AKAP6: variants seen among roughly 807,000 people sequenced by gnomAD.
AKAP6 encodes A-kinase anchoring protein 6.
A neutral mutation model predicts 188.5 loss-of-function variants in AKAP6; 58 were observed. The ratio of observed to expected loss-of-function variants is 0.31; its 90% CI spans 0.25 to 0.38. AKAP6 has a LOEUF of 0.38. AKAP6 is among the 10% of genes least tolerant of loss of function. The probability of loss-of-function intolerance (pLI) is 1.00; values close to 1 mark genes in which losing one functional copy is unlikely to be tolerated. For synonymous variants in AKAP6, 989 were observed against 998.6 expected, an observed-to-expected ratio of 0.99 and a Z score of 0.18; for missense variants, 2,710 against 2,740.0, an observed-to-expected ratio of 0.99 and a Z score of 0.24.
chr14:32,632,963 G>A (rs1024155979), intron 7 of AKAP6, among the ~76,000 whole-genome samples: 46 of 151,890 alleles, frequency 3.0e-4, no homozygotes, highest in Admixed American at 5.3e-4. Flanking sequence ...ATAATTTATC[G>A]GATCAGCAGC....
intron 12 of AKAP6, among the ~76,000 whole-genome samples, chr14:32,785,723 C>CG (rs1555362301): frequency 2.0e-5 from 3 of 151,826 alleles, no homozygotes; most frequent in Non-Finnish European, 4.4e-5. Context: ...TTTGAAAGAT[C>CG]TTGTACAGGA....
intron 5 of AKAP6, among the ~76,000 whole-genome samples, chr14:32,599,039 G>A (rs888747537): frequency 6.6e-6 from 1 of 151,944 alleles, no homozygotes; most frequent in African/African-American, 2.4e-5. Flanking sequence ...AATTTTTTAT[G>A]GTTTCATAAA....
intron 1 of AKAP6, among the ~76,000 whole-genome samples, chr14:32,353,671 CCT>C (rs35439096): frequency 0.19 from 29,626 of 151,968 alleles, 3,050 homozygotes; most frequent in East Asian, 0.37. Flanking sequence ...TCAAATTGTC[CCT>C]GTTTGCAGAT....
intron 4 of AKAP6, among the ~76,000 whole-genome samples, chr14:32,554,402 A>G (rs1229239123): frequency 1.3e-5 from 2 of 152,216 alleles, no homozygotes; most frequent in African/African-American, 4.8e-5. Flanking sequence ...TTTAATTTAT[A>G]TAACAAGCAT....
At chr14:32,379,189 A>G (rs770378651) in intron 1 of AKAP6, among the ~76,000 whole-genome samples, 11 of 152,154 alleles carry the variant, frequency 7.2e-5, no homozygotes, top group East Asian at 1.9e-4. Context: ...CAAAGTGCTG[A>G]GATTACAGGT....
intron 12 of AKAP6, among the ~76,000 whole-genome samples, chr14:32,811,613 G>A (rs1418063397): frequency 6.6e-6 from 1 of 152,164 alleles, no homozygotes; most frequent in Admixed American, 6.5e-5. Flanking sequence ...TCACGTATGG[G>A]ATCTGATACT....
At position 32,546,576 on chromosome 14, in the gene AKAP6, A is replaced by C. The variant is rs562943592; in HGVS notation, c.1923A>C (p.Glu641Asp). The change falls in exon 4 of 14, where the codon GAA becomes GAC. Residue 641 changes from glutamate (E) to aspartate (D), a missense_variant. Physicochemically the swap from Glu to Asp is conservative, Grantham distance 45. Transcript: ENST00000280979. ...LALPSHLKQT[E>D]VLALKLENLT... ...TGCCCTCTCACCTTAAGCAGACAGA[A>C]GTATTGGCTTTGAAGTTGGAAAACC... 6.2e-7 allele frequency: 1 copy of C among 1,614,200 alleles called. No individual in the cohort carries two copies. Among genetic ancestry groups the C allele is most frequent in the South Asian group, 1.1e-5 (1 of 91,086 alleles).
chr14:32,442,469 C>T (rs973468792), intron 2 of AKAP6: 1 of 152,062 alleles, frequency 6.6e-6, no homozygotes, highest in African/African-American at 2.4e-5. Flanking sequence ...AGTTTGGCAT[C>T]AATATGGTGA....
intron 8 of AKAP6, among the ~76,000 whole-genome samples, chr14:32,682,307 C>T (rs1009265980): frequency 3.3e-5 from 5 of 152,186 alleles, no homozygotes; most frequent in African/African-American, 1.2e-4. Context: ...GAGAGTGTGG[C>T]ATGAAGCCGA....
At chr14:32,751,429 CTT>C (rs1288257419) in intron 11 of AKAP6, among the ~76,000 whole-genome samples, 1 of 147,806 alleles carries the variant, frequency 6.8e-6, no homozygotes, top group Non-Finnish European at 1.5e-5. Flanking sequence ...ATATGCTTCT[CTT>C]TTATGTGTGA....
At position 32,353,848 on chromosome 14, in the gene AKAP6, C is replaced by CA. The variant is rs1887382275; in HGVS notation, c.-35+24440_-35+24441insA. Reference sequence around the variant, plus strand: ...CAGAGAGCCAAATCATGAGTGAATTCCCATTCACAATTGCTTCAAAGAGAA... The same window carrying CA: ...CAGAGAGCCAAATCATGAGTGAATTCACCATTCACAATTGCTTCAAAGAGAA... On this transcript the variant is annotated intron_variant, in intron 1 of 13. Coordinates refer to ENST00000280979, the MANE Select transcript of AKAP6 (RefSeq NM_004274.5). 3.3e-5 allele frequency among the ~76,000 whole-genome samples: 5 copies of CA among 152,048 alleles called. 1 individual carries two copies. The South Asian group carries it at 1.0e-3, about 32-fold the overall frequency.
In AKAP6 at chr14:32,732,618, A is replaced by G; in HGVS notation, c.3147+18A>G. On this transcript the variant is annotated intron_variant, in intron 10 of 13. Transcript: ENST00000280979. Reference sequence around the variant, plus strand: ...TGCTTGGGGTATTTGCATTTTTATTACTGTTTGTAGGTTATGTGTACATTT... The same window carrying G: ...TGCTTGGGGTATTTGCATTTTTATTGCTGTTTGTAGGTTATGTGTACATTT... The G allele has an allele frequency of 6.2e-7, 1 of 1,612,462 alleles. No homozygotes were observed. Among genetic ancestry groups the G allele is most frequent in the East Asian group, 2.2e-5 (1 of 44,840 alleles).
intron 1 of AKAP6, among the ~76,000 whole-genome samples, chr14:32,362,091 A>T (rs577998442): frequency 8.3e-4 from 127 of 152,320 alleles, no homozygotes; most frequent in Non-Finnish European, 1.5e-3. Context: ...TGAGAATCAG[A>T]CTAGAACTGA....
chr14:32,739,658 A>G (rs1457826279), intron 11 of AKAP6, among the ~76,000 whole-genome samples: 1 of 152,040 alleles, frequency 6.6e-6, no homozygotes, highest in African/African-American at 2.4e-5. Context: ...TCACTTAACA[A>G]AATGATCTCT....
chr14:32,471,446 G>C (rs1307990154), intron 2 of AKAP6, among the ~76,000 whole-genome samples: 1 of 152,238 alleles, frequency 6.6e-6, no homozygotes, highest in Non-Finnish European at 1.5e-5. Flanking sequence ...CAAGATCATA[G>C]TGCTACTTCC....
At chr14:32,712,666 G>GA (rs781625343) in intron 9 of AKAP6, among the ~76,000 whole-genome samples, 13 of 152,076 alleles carry the variant, frequency 8.5e-5, no homozygotes, top group Non-Finnish European at 1.9e-4. Context: ...TTATTCTTCA[G>GA]AAGGAACACA....
intron 1 of AKAP6, among the ~76,000 whole-genome samples, chr14:32,364,468 A>T (rs1566465600): frequency 6.6e-6 from 1 of 152,126 alleles, no homozygotes; most frequent in Non-Finnish European, 1.5e-5. Flanking sequence ...TTCCCTACCC[A>T]ATTTGTTGAA....
intron 2 of AKAP6, among the ~76,000 whole-genome samples, chr14:32,466,922 A>G (rs957495421): frequency 4.0e-5 from 6 of 148,998 alleles, no homozygotes; most frequent in African/African-American, 1.0e-4. Context: ...AAATATATAC[A>G]TATATTGGAC....
rs758810588 is a variant in AKAP6 at position 32,821,238 on chromosome 14, G to A, written c.3589-164G>A. The stretch of plus-strand genomic sequence containing the variant: ...AGAAAAGCCTCTTTCAGTAATTTCT[G>A]GGTGTTATTTCAGAGAGGAATAGAG... On this transcript the variant is annotated intron_variant, in intron 12 of 13. Transcript: ENST00000280979. Among the ~76,000 whole-genome samples the A allele has an allele frequency of 2.0e-4, 30 of 152,124 alleles. No individual in the cohort carries two copies. The highest frequency in any genetic ancestry group is 3.8e-4 in the Non-Finnish European group (26 of 68,016).
Sources: gnomAD v4.1 joint callset for allele counts (sites outside exome capture counted in the v4.1 genomes callset) on GRCh38, gnomAD v4.1.1 for gene constraint, MANE v1.5 for transcripts, NCBI Gene and HGNC (gene_info 2026-07-23, HGNC 2026-07-21) for gene names.